CAST: variants seen among roughly 807,000 people sequenced by gnomAD.
CAST encodes the protein calpastatin, also known as MIR583 host.
A neutral mutation model predicts 119.6 loss-of-function variants in CAST; 76 were observed. That is an observed-to-expected ratio of 0.64 (90% confidence interval 0.53 to 0.77). The LOEUF (loss-of-function observed/expected upper bound fraction) is 0.77, where lower values mean the gene tolerates loss of function less well. Ranked by LOEUF, CAST falls within the 30% of genes least tolerant of loss-of-function variation. CAST has a pLI of 0.00. For synonymous variants in CAST, 319 were observed against 331.6 expected (o/e 0.96, Z 0.41); for missense variants, 953 against 946.5 (o/e 1.01, Z -0.09).
At chr5:96,617,922 T>C (rs1747502684) in intron 1 of CAST, among the ~76,000 whole-genome samples, 1 of 150,274 alleles carries the variant, frequency 6.7e-6, no homozygotes, top group Admixed American at 6.6e-5. Context: ...GGGAGGAGGA[T>C]TTGGAGATTA....
the CAST span, among the ~76,000 whole-genome samples, chr5:96,257,133 G>A: frequency 6.6e-6 from 1 of 152,170 alleles, no homozygotes; most frequent in African/African-American, 2.4e-5. Flanking sequence ...CCTCTGGGCT[G>A]TTTCTCCCTG....
chr5:96,019,257 AC>A, the CAST span, among the ~76,000 whole-genome samples: 1 of 152,232 alleles, frequency 6.6e-6, no homozygotes, highest in Non-Finnish European at 1.5e-5. Context: ...TGTTGTGTGT[AC>A]TGGGACATTG....
At chr5:96,627,138 G>A (rs1484276159) in intron 1 of CAST, among the ~76,000 whole-genome samples, 2 of 152,220 alleles carry the variant, frequency 1.3e-5, no homozygotes, top group Non-Finnish European at 2.9e-5. Flanking sequence ...ATTGCAGAAT[G>A]AGGAAGATAG....
intron 1 of CAST, among the ~76,000 whole-genome samples, chr5:96,619,541 C>G (rs563022173): frequency 2.5e-4 from 38 of 152,324 alleles, no homozygotes; most frequent in African/African-American, 7.2e-4. Flanking sequence ...AGTGTGGTAG[C>G]TTTGTTCTTT....
intron 29 of CAST, chr5:96,769,854 A>T (rs1273876765): frequency 6.8e-6 from 1 of 147,238 alleles, no homozygotes; most frequent in Admixed American, 6.9e-5. Flanking sequence ...GGCTTATATC[A>T]TCTAGTATAA....
chr5:96,702,270 C>CTATT (rs1213037997), intron 3 of CAST, among the ~76,000 whole-genome samples: 1 of 152,066 alleles, frequency 6.6e-6, no homozygotes, highest in African/African-American at 2.4e-5. Flanking sequence ...CTTAACCCCT[C>CTATT]TATTTATTCA....
chr5:96,485,106 C>T, the CAST span, among the ~76,000 whole-genome samples: 6 of 152,282 alleles, frequency 3.9e-5, no homozygotes, highest in African/African-American at 1.4e-4. Context: ...CTTTCAGGTT[C>T]TGTGGAGCAG....
the CAST span, among the ~76,000 whole-genome samples, chr5:96,015,357 G>A: frequency 2.0e-5 from 3 of 152,044 alleles, no homozygotes; most frequent in African/African-American, 7.2e-5. Flanking sequence ...CTAAAGGCAA[G>A]ATATATAACA....
intron 2 of CAST, among the ~76,000 whole-genome samples, chr5:96,682,974 C>T (rs1271689601): frequency 1.3e-5 from 2 of 152,114 alleles, no homozygotes; most frequent in Non-Finnish European, 2.9e-5. Flanking sequence ...CACAACCCAT[C>T]CTCCCACACC....
intron 3 of CAST, among the ~76,000 whole-genome samples, chr5:96,697,006 C>A (rs1753376287): frequency 6.6e-6 from 1 of 151,744 alleles, no homozygotes; most frequent in African/African-American, 2.4e-5. Flanking sequence ...ACTAAAAATA[C>A]AAAAATTAGC....
chr5:96,397,483 A>T, the CAST span: 1 of 1,609,696 alleles, frequency 6.2e-7, no homozygotes, highest in East Asian at 2.2e-5. Flanking sequence ...TGAAACAAAT[A>T]CAAGTTAATG....
At chr5:96,187,860 AGAATG>A in the CAST span, among the ~76,000 whole-genome samples, 1 of 152,256 alleles carries the variant, frequency 6.6e-6, no homozygotes, top group Non-Finnish European at 1.5e-5. Flanking sequence ...TGGTGATGGT[AGAATG>A]ACTACCTGTG....
At chr5:96,504,775 T>C in the CAST span, among the ~76,000 whole-genome samples, 7 of 152,332 alleles carry the variant, frequency 4.6e-5, no homozygotes, top group East Asian at 1.4e-3. Flanking sequence ...TTGCTGTTGA[T>C]TTCTGCTCCC....
chr5:96,483,483 C>G, the CAST span, among the ~76,000 whole-genome samples: 4 of 151,742 alleles, frequency 2.6e-5, no homozygotes, highest in African/African-American at 9.7e-5. Flanking sequence ...GAGGTTAATT[C>G]AAAAAACACT....
chr5:96,347,940 CA>C, the CAST span, among the ~76,000 whole-genome samples: 1 of 152,126 alleles, frequency 6.6e-6, no homozygotes, highest in Non-Finnish European at 1.5e-5. Flanking sequence ...GCCCTCCCTA[CA>C]AAACCCCCAA....
intron 2 of CAST, among the ~76,000 whole-genome samples, chr5:96,685,565 C>T (rs959952440): frequency 2.6e-5 from 4 of 152,138 alleles, no homozygotes; most frequent in African/African-American, 9.7e-5. Context: ...GGCAAATTTA[C>T]ATCATAGTCT....
chr5:96,113,578 A>G, the CAST span, among the ~76,000 whole-genome samples: 1 of 152,234 alleles, frequency 6.6e-6, no homozygotes, highest in Non-Finnish European at 1.5e-5. Context: ...ACTTAAGGCC[A>G]TTTTCTAAAG....
At chr5:96,741,023 T>A in intron 13 of CAST, 2 of 595,924 alleles carry the variant, frequency 3.4e-6, no homozygotes, top group Non-Finnish European at 6.0e-6. Context: ...GATAGAATAT[T>A]ATGCATGTTC....
At chr5:96,511,546 AC>A in the CAST span, among the ~76,000 whole-genome samples, 11 of 151,720 alleles carry the variant, frequency 7.3e-5, no homozygotes, top group African/African-American at 2.7e-4. Flanking sequence ...GCATGCCACC[AC>A]CCCTCTCCTA....
Sources: allele counts gnomAD v4.1 joint callset (sites outside exome capture counted in the v4.1 genomes callset), GRCh38; gene constraint gnomAD v4.1.1; transcripts MANE v1.5; gene names NCBI Gene and HGNC (gene_info 2026-07-23, HGNC 2026-07-21).